PDE3A: variants seen among roughly 807,000 people sequenced by gnomAD.
PDE3A encodes the protein cGMP-inhibited 3',5'-cyclic phosphodiesterase 3A.
Under a neutral mutation model 98.3 loss-of-function variants are expected in PDE3A, and 43 were observed. The observed-to-expected ratio is 0.44, with a 90% CI of 0.34 to 0.56. The LOEUF (loss-of-function observed/expected upper bound fraction) is 0.56, where lower values mean the gene tolerates loss of function less well. PDE3A is among the 20% of genes least tolerant of loss of function. The probability of loss-of-function intolerance (pLI) is 0.01; values close to 1 mark genes in which losing one functional copy is unlikely to be tolerated. For missense variants in PDE3A, 1,427 were observed against 1,440.7 expected (o/e 0.99, Z 0.15); for synonymous variants, 663 against 567.9 (o/e 1.17, Z -2.38).
At chr12:20,592,820 G>A (rs1696090155) in intron 2 of PDE3A, among the ~76,000 whole-genome samples, 1 of 152,136 alleles carries the variant, frequency 6.6e-6, no homozygotes, top group Non-Finnish European at 1.5e-5. Flanking sequence ...GAATACAAGG[G>A]GTGGGGGAGT....
intron 1 of PDE3A, among the ~76,000 whole-genome samples, chr12:20,523,878 A>G (rs1374151443): frequency 2.6e-5 from 4 of 152,252 alleles, no homozygotes; most frequent in Non-Finnish European, 5.9e-5. Context: ...GCTATTGGGA[A>G]CATTTAAAAT....
intron 15 of PDE3A, among the ~76,000 whole-genome samples, chr12:20,663,544 G>A (rs1945233788): frequency 6.6e-6 from 1 of 152,214 alleles, no homozygotes; most frequent in Admixed American, 6.5e-5. Context: ...ATGAGACATG[G>A]AGTCAAAGGA....
At chr12:20,388,221 G>A (rs1397269695) in intron 1 of PDE3A, among the ~76,000 whole-genome samples, 2 of 151,976 alleles carry the variant, frequency 1.3e-5, no homozygotes, top group Non-Finnish European at 2.9e-5. Context: ...ACCCTTGGAA[G>A]TAAAATCCTT....
intron 1 of PDE3A, among the ~76,000 whole-genome samples, chr12:20,499,793 A>G (rs1300192111): frequency 1.3e-5 from 2 of 152,140 alleles, no homozygotes; most frequent in African/African-American, 4.8e-5. Context: ...CTCAGCTCAT[A>G]TTACTAGTTC....
In PDE3A at chr12:20,445,911, G is replaced by A. The variant is rs115627398; in HGVS notation, c.960+75667G>A. Among the ~76,000 whole-genome samples, 569 of 152,214 alleles carry A rather than the reference G, an allele frequency of 3.7e-3. 5 individuals are homozygous for A. The highest frequency in any genetic ancestry group is 0.013 in the African/African-American group (532 of 41,536). Reference sequence around the variant, plus strand: ...CTTTTAAAAAAAATCAGCAGTGGTAGCAGCATGTGAGAAGATGAGCATATG... The same window carrying A: ...CTTTTAAAAAAAATCAGCAGTGGTAACAGCATGTGAGAAGATGAGCATATG... On this transcript the variant is annotated intron_variant, in intron 1 of 15. Transcript: ENST00000359062.
intron 1 of PDE3A, among the ~76,000 whole-genome samples, chr12:20,535,460 T>A (rs1205378143): frequency 2.6e-5 from 4 of 152,190 alleles, no homozygotes; most frequent in African/African-American, 9.7e-5. Flanking sequence ...CTGTGGGACC[T>A]TCAGAGGATT....
At position 20,496,668 on chromosome 12, in the gene PDE3A, T is replaced by A. The variant is rs144694376; in HGVS notation, c.961-59992T>A. ...TGGAATTCATCCAAAATTAAGTGCC[T>A]GACTTCAGGGTTTAAGAAGTATACT... On this transcript the variant is annotated intron_variant, in intron 1 of 15. Coordinates refer to ENST00000359062, the MANE Select transcript of PDE3A (RefSeq NM_000921.5). Among the ~76,000 whole-genome samples the A allele has an allele frequency of 6.1e-4, 93 of 152,304 alleles. 2 individuals are homozygous for A. In the East Asian group the frequency reaches 0.017, roughly 28 times the overall value.
At chr12:20,605,214 G>A (rs990182580) in intron 2 of PDE3A, among the ~76,000 whole-genome samples, 1 of 152,278 alleles carries the variant, frequency 6.6e-6, no homozygotes, top group East Asian at 1.9e-4. Flanking sequence ...GGGAAGAAAG[G>A]AAACTGACAC....
At chr12:20,392,337 C>T (rs906984918) in intron 1 of PDE3A, among the ~76,000 whole-genome samples, 1 of 151,798 alleles carries the variant, frequency 6.6e-6, no homozygotes, top group African/African-American at 2.4e-5. Flanking sequence ...AACAATTTGA[C>T]AAATTTATAA....
At chr12:20,494,333 A>G (rs1475082543) in intron 1 of PDE3A, among the ~76,000 whole-genome samples, 1 of 152,192 alleles carries the variant, frequency 6.6e-6, no homozygotes, top group Non-Finnish European at 1.5e-5. Flanking sequence ...ATACCACCAT[A>G]TGCCCTGCAC....
intron 7 of PDE3A, 127 bp from the exon 8 acceptor site, chr12:20,634,775 G>A (rs1944460884): frequency 5.9e-6 from 4 of 681,864 alleles, no homozygotes; most frequent in Non-Finnish European, 1.0e-5. Context: ...TATGTTCTTG[G>A]AGTGCTCAGG....
chr12:20,425,126 T>C (rs1253200942), intron 1 of PDE3A, among the ~76,000 whole-genome samples: 1 of 152,188 alleles, frequency 6.6e-6, no homozygotes, highest in Non-Finnish European at 1.5e-5. Context: ...GCCAAAAATA[T>C]CCATTTAGAG....
At chr12:20,625,124 TTCAG>T (rs1323943918) in intron 5 of PDE3A, among the ~76,000 whole-genome samples, 2 of 152,194 alleles carry the variant, frequency 1.3e-5, no homozygotes, top group South Asian at 2.1e-4. Flanking sequence ...TGTCCTCTAG[TTCAG>T]TCAATCAATG....
At chr12:20,527,099 A>G (rs1411917315) in intron 1 of PDE3A, among the ~76,000 whole-genome samples, 1 of 151,824 alleles carries the variant, frequency 6.6e-6, no homozygotes, top group Non-Finnish European at 1.5e-5. Context: ...TTGTATTTTT[A>G]GTAAAGAGGG....
At chr12:20,673,995 G>A (rs911206443) in intron 15 of PDE3A, among the ~76,000 whole-genome samples, 12 of 152,044 alleles carry the variant, frequency 7.9e-5, no homozygotes, top group Non-Finnish European at 1.6e-4. Flanking sequence ...TGTCTTCAAC[G>A]TGTTTCATCA....
At chr12:20,605,101 T>G (rs1424024637) in intron 2 of PDE3A, among the ~76,000 whole-genome samples, 7 of 152,228 alleles carry the variant, frequency 4.6e-5, no homozygotes, top group South Asian at 4.1e-4. Context: ...TGACTTCGTT[T>G]TCAAGGGAAC....
chr12:20,410,002 C>G (rs1565540259), intron 1 of PDE3A, among the ~76,000 whole-genome samples: 1 of 152,152 alleles, frequency 6.6e-6, no homozygotes, highest in African/African-American at 2.4e-5. Context: ...GAACCAAAAA[C>G]TGCCTTGTAA....
At chr12:20,667,927 T>C (rs1436900467) in intron 15 of PDE3A, among the ~76,000 whole-genome samples, 1 of 152,178 alleles carries the variant, frequency 6.6e-6, no homozygotes, top group Non-Finnish European at 1.5e-5. Context: ...TGCATTTCCA[T>C]CTGAGGTACC....
In PDE3A at chr12:20,687,917, A is replaced by AAAAAAAAAAAAAAAAC; in HGVS notation, c.*7661_*7662insCAAAAAAAAAAAAAAA. 6.8e-6 allele frequency among the ~76,000 whole-genome samples: 1 copy of AAAAAAAAAAAAAAAAC among 147,840 alleles called. No individual in the cohort carries two copies. The highest frequency in any genetic ancestry group is 2.5e-5 in the African/African-American group (1 of 40,220). On this transcript the variant is annotated 3_prime_UTR_variant, in exon 16 of 16. Transcript: ENST00000359062. ...CAGTCATTACCTCTTCCCAACAGAA[A>AAAAAAAAAAAAAAAAC]AAAAAAAAAAAAAAAAAAAACTGGC...
Sources: allele counts gnomAD v4.1 joint callset (sites outside exome capture counted in the v4.1 genomes callset), GRCh38; gene constraint gnomAD v4.1.1; transcripts MANE v1.5; gene names NCBI Gene and HGNC (gene_info 2026-07-23, HGNC 2026-07-21).